Variants in SHROOM3 observed in about 807,000 individuals in gnomAD.
The protein encoded by SHROOM3 is protein Shroom3.
SHROOM3 carries 47 observed loss-of-function variants against 138.6 expected under a neutral mutation model. The observed-to-expected ratio is 0.34, with a 90% CI of 0.27 to 0.43. The LOEUF is 0.43. Among genes scored for constraint, SHROOM3 ranks in the 20% least tolerant of loss-of-function variants. The pLI is 1.00. For missense variants in SHROOM3, 2,491 were observed against 2,596.5 expected, an observed-to-expected ratio of 0.96 and a Z score of 0.88; for synonymous variants, 1,062 against 1,063.3, an observed-to-expected ratio of 1.00 and a Z score of 0.02.
Position 76,756,697 on chromosome 4 carries a change from A to T in SHROOM3, c.4958A>T (p.Lys1653Met). The change falls in exon 8 of 11, where the codon AAG (lysine) becomes ATG (methionine). Residue 1653 changes from lysine to methionine, a missense_variant. Physicochemically the swap from Lys to Met is moderately conservative, Grantham distance 95. Transcript: ENST00000296043. ...DPVSGTQGLEKKVSPDPQKSS... is the reference protein window; with the variant it reads ...DPVSGTQGLEMKVSPDPQKSS... ...GTCAGTGGAACTCAGGGTTTAGAAA[A>T]GAAAGTCAGTCCTGATCCTCAGAAG... 3 of 1,614,180 alleles carry T rather than the reference A, an allele frequency of 1.9e-6. No individual in the cohort carries two copies. In the South Asian group the frequency reaches 3.3e-5, roughly 18 times the overall value.
intron 2 of SHROOM3, among the ~76,000 whole-genome samples, chr4:76,600,151 CCAAA>C (rs34727364): frequency 0.18 from 27,343 of 151,582 alleles, 2,597 homozygotes; most frequent in East Asian, 0.27. Flanking sequence ...GACCCTGTCT[CCAAA>C]CAAACAAACA....
intron 2 of SHROOM3, among the ~76,000 whole-genome samples, chr4:76,651,399 TAA>T (rs1491388656): frequency 1.2e-4 from 10 of 85,796 alleles, no homozygotes; most frequent in Admixed American, 3.0e-4. Flanking sequence ...ATGTAACCCA[TAA>T]ATATATATAT....
At chr4:76,495,784 T>C (rs1284644666) in intron 1 of SHROOM3, among the ~76,000 whole-genome samples, 1 of 152,172 alleles carries the variant, frequency 6.6e-6, no homozygotes, top group Non-Finnish European at 1.5e-5. Context: ...TGATATCAAC[T>C]TAGGTGAGAG....
chr4:76,660,839 G>C (rs1354890180), intron 2 of SHROOM3, among the ~76,000 whole-genome samples: 1 of 151,908 alleles, frequency 6.6e-6, no homozygotes, highest in East Asian at 1.9e-4. Context: ...GTCTCACTCT[G>C]TCACCCAGGC....
Position 76,779,295 on chromosome 4 carries a change from TGAAAG to T in SHROOM3, c.*123_*127del. ...CTGGGTTATTGGTGTTTGTTCCTGA[TGAAAG>T]GAAAAAAATTCTCTCCAGGAGGAAG... On this transcript the variant is annotated 3_prime_UTR_variant, in exon 11 of 11. Coordinates refer to ENST00000296043, the MANE Select transcript of SHROOM3 (RefSeq NM_020859.4). 7.2e-7 allele frequency: 1 copy of T among 1,395,234 alleles called. No homozygotes were observed. Among genetic ancestry groups the T allele is most frequent in the Non-Finnish European group, 9.6e-7 (1 of 1,045,366 alleles). The allele number at this position is 1,395,234 out of a possible 1,614,324, so 86.4% of individuals were successfully genotyped here.
At chr4:76,567,255 C>A (rs1211546689) in intron 2 of SHROOM3, among the ~76,000 whole-genome samples, 9 of 152,098 alleles carry the variant, frequency 5.9e-5, no homozygotes, top group Admixed American at 5.9e-4. Context: ...TCTTTGGGTG[C>A]CAGGCGCGGT....
chr4:76,771,882 G>A (rs760215864), intron 10 of SHROOM3, among the ~76,000 whole-genome samples: 1 of 152,126 alleles, frequency 6.6e-6, no homozygotes, highest in African/African-American at 2.4e-5. Flanking sequence ...GGGGTCTAGC[G>A]TGTGTCACTT....
chr4:76,601,440 CTG>C (rs1288842634), intron 2 of SHROOM3, among the ~76,000 whole-genome samples: 2 of 152,160 alleles, frequency 1.3e-5, no homozygotes, highest in African/African-American at 2.4e-5. Flanking sequence ...TACCACTGGA[CTG>C]TCTCTTTCAG....
chr4:76,553,015 T>A (rs959272338), intron 1 of SHROOM3, among the ~76,000 whole-genome samples: 1 of 152,234 alleles, frequency 6.6e-6, no homozygotes, highest in African/African-American at 2.4e-5. Context: ...CCTCTGCCCA[T>A]TAACTTAAGC....
intron 2 of SHROOM3, among the ~76,000 whole-genome samples, chr4:76,614,203 T>C (rs948205492): frequency 6.6e-6 from 1 of 152,058 alleles, no homozygotes; most frequent in Non-Finnish European, 1.5e-5. Context: ...TACAGGCGCC[T>C]GCCACCATGC....
At chr4:76,473,660 G>A (rs1731424485) in intron 1 of SHROOM3, among the ~76,000 whole-genome samples, 1 of 152,058 alleles carries the variant, frequency 6.6e-6, no homozygotes, top group South Asian at 2.1e-4. Context: ...CAAGAGGTTT[G>A]AACAGATATT....
intron 1 of SHROOM3, among the ~76,000 whole-genome samples, chr4:76,525,334 A>G (rs2110012748): frequency 6.6e-6 from 1 of 152,262 alleles, no homozygotes; most frequent in East Asian, 1.9e-4. Flanking sequence ...CGTGAGACTC[A>G]CTCACTGTCA....
intron 1 of SHROOM3, among the ~76,000 whole-genome samples, chr4:76,526,370 G>A (rs1053035961): frequency 6.6e-6 from 1 of 151,816 alleles, no homozygotes; most frequent in African/African-American, 2.4e-5. Flanking sequence ...CATCTCAAAA[G>A]AAAAAAATAA....
At chr4:76,704,451 G>A (rs1719991705) in intron 2 of SHROOM3, among the ~76,000 whole-genome samples, 1 of 152,240 alleles carries the variant, frequency 6.6e-6, no homozygotes, top group Admixed American at 6.5e-5. Flanking sequence ...AGATAAGGCA[G>A]TCTCCGAGGA....
chr4:76,487,033 A>C (rs1256193162), intron 1 of SHROOM3, among the ~76,000 whole-genome samples: 1 of 152,162 alleles, frequency 6.6e-6, no homozygotes, highest in Non-Finnish European at 1.5e-5. Context: ...ATTTTGAAAC[A>C]TGTCATCACC....
chr4:76,679,689 T>A (rs752561024), intron 2 of SHROOM3, among the ~76,000 whole-genome samples: 2 of 152,150 alleles, frequency 1.3e-5, no homozygotes, highest in African/African-American at 2.4e-5. Context: ...GAAAATAATA[T>A]TCTCACTTCT....
At chr4:76,763,495 G>A (rs1722052271) in intron 9 of SHROOM3, among the ~76,000 whole-genome samples, 1 of 152,150 alleles carries the variant, frequency 6.6e-6, no homozygotes, top group Admixed American at 6.5e-5. Context: ...AGCCCGACAG[G>A]CAGAGGCTGC....
chr4:76,459,065 T>A (rs1731088794), intron 1 of SHROOM3, among the ~76,000 whole-genome samples: 1 of 152,128 alleles, frequency 6.6e-6, no homozygotes, highest in South Asian at 2.1e-4. Flanking sequence ...AGTTTAAAAT[T>A]GGCTTTTCTT....
rs557787702 is a variant in SHROOM3 at position 76,626,594 on chromosome 4, A to C, written c.323+70831A>C. 2.0e-4 allele frequency among the ~76,000 whole-genome samples: 31 copies of C among 152,354 alleles called. No individual in the cohort carries two copies. In the South Asian group the frequency reaches 3.5e-3, roughly 17 times the overall value. On this transcript the variant is annotated intron_variant, in intron 2 of 10. Coordinates refer to ENST00000296043, the MANE Select transcript of SHROOM3 (RefSeq NM_020859.4). Reference sequence around the variant, plus strand: ...AACATGCATGGGTAGAATTACCTGAAGTAGCTGCCATTTATTCAGAGTCAA... The same window carrying C: ...AACATGCATGGGTAGAATTACCTGACGTAGCTGCCATTTATTCAGAGTCAA...
Sources: allele counts gnomAD v4.1 joint callset (sites outside exome capture counted in the v4.1 genomes callset), GRCh38; gene constraint gnomAD v4.1.1; transcripts MANE v1.5; gene names NCBI Gene and HGNC (gene_info 2026-07-23, HGNC 2026-07-21).